The following PRKCE variants were observed in gnomAD, a reference collection of about 807,000 sequenced individuals.
PRKCE encodes protein kinase C epsilon type.
A neutral mutation model predicts 85.4 loss-of-function variants in PRKCE; 16 were observed. That is an observed-to-expected ratio of 0.19 (90% CI 0.13 to 0.28). The LOEUF (loss-of-function observed/expected upper bound fraction) is 0.28, where lower values mean the gene tolerates loss of function less well. Among genes scored for constraint, PRKCE ranks in the 10% least tolerant of loss-of-function variants. The pLI is 1.00. For missense variants in PRKCE, 573 were observed against 975.2 expected, an observed-to-expected ratio of 0.59 and a Z score of 5.49; for synonymous variants, 388 against 371.5, an observed-to-expected ratio of 1.04 and a Z score of -0.51.
chr2:46,083,649 G>A (rs1442036906), intron 10 of PRKCE, among the ~76,000 whole-genome samples: 4 of 152,184 alleles, frequency 2.6e-5, no homozygotes, highest in East Asian at 1.9e-4. Context: ...GGCTGTCAGA[G>A]TGTTGTCCCT....
At chr2:45,874,366 G>A (rs549516775) in intron 2 of PRKCE, among the ~76,000 whole-genome samples, 23 of 152,348 alleles carry the variant, frequency 1.5e-4, no homozygotes, top group African/African-American at 5.5e-4. Flanking sequence ...GGCCTGCCCT[G>A]AACTTGTGCC....
At position 45,689,208 on chromosome 2, in the gene PRKCE, C is replaced by G. The variant is rs75433437; in HGVS notation, c.348+36760C>G. On this transcript the variant is annotated intron_variant, in intron 1 of 14. Coordinates refer to ENST00000306156, the MANE Select transcript of PRKCE (RefSeq NM_005400.3). ...AATAGAATTTGACTTACAAAAAAGT[C>G]TAGATCACAGATTCCGAGTTGAAAG... is the stretch of plus-strand genomic sequence containing the variant. 2.0e-5 allele frequency among the ~76,000 whole-genome samples: 3 copies of G among 152,190 alleles called. No homozygotes were observed. The East Asian group carries it at 5.8e-4, about 29-fold the overall frequency.
At chr2:45,803,891 A>G (rs1358755549) in intron 1 of PRKCE, among the ~76,000 whole-genome samples, 2 of 152,210 alleles carry the variant, frequency 1.3e-5, no homozygotes, top group African/African-American at 4.8e-5. Flanking sequence ...CTAAAGTTGC[A>G]GAGATTCTGT....
chr2:45,817,086 T>TGTGTG (rs1689116861), intron 1 of PRKCE, among the ~76,000 whole-genome samples: 1 of 150,760 alleles, frequency 6.6e-6, no homozygotes, highest in African/African-American at 2.4e-5. Flanking sequence ...TGTGTGTGTG[T>TGTGTG]GTGTGTGTGT....
chr2:45,718,476 C>G (rs1272453147), intron 1 of PRKCE, among the ~76,000 whole-genome samples: 3 of 150,772 alleles, frequency 2.0e-5, no homozygotes, highest in Non-Finnish European at 4.4e-5. Flanking sequence ...TCCTGAGTAG[C>G]TGGGATGACA....
At chr2:46,025,639 C>G (rs1264351814) in intron 10 of PRKCE, among the ~76,000 whole-genome samples, 1 of 152,320 alleles carries the variant, frequency 6.6e-6, no homozygotes, top group South Asian at 2.1e-4. Context: ...CACTCTCTCC[C>G]TCTGTCACTC....
At position 46,087,101 on chromosome 2, in the gene PRKCE, A is replaced by G. The variant is rs558223832; in HGVS notation, c.1592+739A>G. 4.6e-5 allele frequency among the ~76,000 whole-genome samples: 7 copies of G among 151,932 alleles called. No homozygotes were observed. In the East Asian group the frequency reaches 1.4e-3, roughly 29 times the overall value. On this transcript the variant is annotated intron_variant, in intron 11 of 14. Transcript: ENST00000306156. ...CTTAAGGTTTTCTCAATGGCTGTTA[A>G]TTTCTTCACTTGGTCTTTGCTTCTT...
intron 1 of PRKCE, among the ~76,000 whole-genome samples, chr2:45,797,286 G>GA (rs1252560055): frequency 1.3e-5 from 2 of 152,132 alleles, no homozygotes; most frequent in Non-Finnish European, 2.9e-5. Context: ...ACCCCTACCA[G>GA]AAATAAGCTG....
At chr2:45,850,776 G>T (rs1009832962) in intron 2 of PRKCE, among the ~76,000 whole-genome samples, 2 of 152,132 alleles carry the variant, frequency 1.3e-5, no homozygotes, top group Non-Finnish European at 2.9e-5. Context: ...CAGTGTAGGG[G>T]TGTACATGTG....
At chr2:45,705,966 G>A (rs1008239271) in intron 1 of PRKCE, among the ~76,000 whole-genome samples, 7 of 152,120 alleles carry the variant, frequency 4.6e-5, no homozygotes, top group African/African-American at 1.2e-4. Flanking sequence ...TATCTGCTTC[G>A]GAGCTCTGTG....
chr2:45,694,231 T>C (rs1401501629), intron 1 of PRKCE, among the ~76,000 whole-genome samples: 1 of 151,190 alleles, frequency 6.6e-6, no homozygotes. Context: ...GTAAAATGTC[T>C]CATCTAGGAA....
Position 46,086,267 on chromosome 2 carries a change from G to A in PRKCE, c.1497G>A (p.Gln499=). 6.3e-7 allele frequency: 1 copy of A among 1,599,684 alleles called. No homozygotes were observed. Among genetic ancestry groups the A allele is most frequent in the Non-Finnish European group, 8.5e-7 (1 of 1,179,932 alleles). Residue 499 remains glutamine, a synonymous_variant, in exon 11 of 15, where the codon CAG becomes CAA. Transcript: ENST00000306156. ...VNGGDLMFQI[Q]RSRKFDEPRS... is the part of the protein sequence containing the mutation. ...GTGGAGACCTCATGTTTCAGATTCA[G>A]CGCTCCCGAAAATTCGACGAGCCTC...
intron 5 of PRKCE, among the ~76,000 whole-genome samples, chr2:45,980,623 A>G (rs933435596): frequency 6.6e-6 from 1 of 152,248 alleles, no homozygotes; most frequent in Non-Finnish European, 1.5e-5. Context: ...TGATCCCAGC[A>G]CTGAAGCCCA....
chr2:45,816,748 GC>G (rs925883677), intron 1 of PRKCE, among the ~76,000 whole-genome samples: 118 of 152,004 alleles, frequency 7.8e-4, no homozygotes, highest in African/African-American at 2.8e-3. Context: ...GGATCAGATG[GC>G]CCCTTCCCAG....
intron 1 of PRKCE, among the ~76,000 whole-genome samples, chr2:45,823,519 T>A (rs996388947): frequency 6.6e-6 from 1 of 152,228 alleles, no homozygotes. Context: ...TGGATTTTCT[T>A]CTACTTGACT....
chr2:45,843,673 G>T (rs1171178542), intron 2 of PRKCE, among the ~76,000 whole-genome samples: 1 of 152,212 alleles, frequency 6.6e-6, no homozygotes, highest in South Asian at 2.1e-4. Context: ...AGGGTTTGCT[G>T]GGTGTTGAGG....
At chr2:45,858,278 T>C (rs1431274729) in intron 2 of PRKCE, among the ~76,000 whole-genome samples, 1 of 152,214 alleles carries the variant, frequency 6.6e-6, no homozygotes, top group Non-Finnish European at 1.5e-5. Flanking sequence ...TTTTAATTTT[T>C]TTAAACATAA....
chr2:45,883,281 A>G (rs1048909454), intron 2 of PRKCE, among the ~76,000 whole-genome samples: 4 of 152,244 alleles, frequency 2.6e-5, no homozygotes, highest in African/African-American at 9.6e-5. Flanking sequence ...TTGCATTGTC[A>G]GAAAACGGTA....
chr2:45,916,276 A>G (rs1697769239), intron 2 of PRKCE, among the ~76,000 whole-genome samples: 1 of 142,814 alleles, frequency 7.0e-6, no homozygotes, highest in Admixed American at 7.1e-5. Flanking sequence ...GTCTAGATCT[A>G]TCATGCAGGC....
Sources: allele counts gnomAD v4.1 joint callset (sites outside exome capture counted in the v4.1 genomes callset), GRCh38; gene constraint gnomAD v4.1.1; transcripts MANE v1.5; gene names NCBI Gene and HGNC (gene_info 2026-07-23, HGNC 2026-07-21).